Variants in STPG2 observed in about 807,000 individuals in gnomAD.
STPG2 encodes the protein sperm tail PG-rich repeat containing 2.
A neutral mutation model predicts 54.2 loss-of-function variants in STPG2; 56 were observed. The observed-to-expected ratio is 1.03, with a 90% CI of 0.83 to 1.29. STPG2 has a LOEUF of 1.29. STPG2 is among the 50% of genes most tolerant of loss of function. The pLI, the probability that STPG2 is intolerant of heterozygous loss-of-function variation, is 0.00. For synonymous variants in STPG2, 200 were observed against 181.8 expected (o/e 1.10, Z -0.81); for missense variants, 596 against 544.9 (o/e 1.09, Z -0.93).
chr4:97,650,746 G>A (rs1017135819), intron 10 of STPG2, among the ~76,000 whole-genome samples: 29 of 152,230 alleles, frequency 1.9e-4, no homozygotes, highest in African/African-American at 7.0e-4. Context: ...AGAAGAATAA[G>A]ATCCAGCTAT....
rs954890363 is a variant in STPG2, at chr4:98,128,416, C to T, written c.387+12G>A. ...ATTTTCCAATTGTCAATATGAAATA[C>T]ATTATACTTACAAATTGAGGTTTGT... On this transcript the variant is annotated intron_variant, in intron 3 of 10. Coordinates refer to ENST00000295268, the MANE Select transcript of STPG2 (RefSeq NM_174952.3). 3 of 1,577,890 alleles carry T rather than the reference C, an allele frequency of 1.9e-6. No homozygotes were observed. The highest frequency in any genetic ancestry group is 1.2e-5 in the South Asian group (1 of 84,136).
intron 3 of STPG2, among the ~76,000 whole-genome samples, chr4:98,119,355 C>T (rs954145851): frequency 2.6e-5 from 4 of 151,536 alleles, no homozygotes; most frequent in Admixed American, 2.6e-4. Flanking sequence ...GCATATTCTA[C>T]AAAATAAATA....
At chr4:97,796,895 T>C (rs1313822294) in intron 9 of STPG2, among the ~76,000 whole-genome samples, 1 of 152,224 alleles carries the variant, frequency 6.6e-6, no homozygotes, top group Non-Finnish European at 1.5e-5. Flanking sequence ...TAGTTCTCCT[T>C]GAAGAGGTCC....
chr4:97,483,157 C>T (rs1208857321), intron 4 of STPG2, among the ~76,000 whole-genome samples: 1 of 151,262 alleles, frequency 6.6e-6, no homozygotes, highest in African/African-American at 2.4e-5. Context: ...ATTTGAAAAG[C>T]AAAAACAGAA....
Position 97,965,894 on chromosome 4 carries a change from A to G in STPG2, c.933+6386T>C, listed in dbSNP as rs531125185. Among the ~76,000 whole-genome samples the G allele has an allele frequency of 5.3e-5, 8 of 152,308 alleles. No individual in the cohort carries two copies. In the East Asian group the frequency reaches 1.3e-3, roughly 26 times the overall value. On this transcript the variant is annotated intron_variant, in intron 7 of 10. Coordinates refer to ENST00000295268, the MANE Select transcript of STPG2 (RefSeq NM_174952.3). ...ACATCAAAGACCAAAGGTAGATAAA[A>G]CCACAAAGATGGGGAGAAACCAAAG...
intron 5 of STPG2, among the ~76,000 whole-genome samples, chr4:97,998,728 C>A (rs921079082): frequency 6.6e-6 from 1 of 152,036 alleles, no homozygotes; most frequent in Non-Finnish European, 1.5e-5. Context: ...ATTATTTGTA[C>A]CTGGTGTCAG....
At chr4:97,500,849 G>A (rs753749797) in intron 4 of STPG2, among the ~76,000 whole-genome samples, 4 of 152,050 alleles carry the variant, frequency 2.6e-5, no homozygotes, top group Non-Finnish European at 5.9e-5. Flanking sequence ...GGCCTACTGA[G>A]TTGCAGGGAG....
intron 9 of STPG2, among the ~76,000 whole-genome samples, chr4:97,807,326 A>C (rs2149094447): frequency 6.6e-6 from 1 of 151,850 alleles, no homozygotes; most frequent in Non-Finnish European, 1.5e-5. Context: ...TTTGCCTTTA[A>C]GCTCCTGAAG....
chr4:97,789,243 T>C (rs923740039), intron 9 of STPG2, among the ~76,000 whole-genome samples: 3 of 151,984 alleles, frequency 2.0e-5, no homozygotes, highest in Admixed American at 1.3e-4. Context: ...CTTAGTTATT[T>C]TGATTATGGT....
chr4:98,002,461 G>T (rs916160192), intron 5 of STPG2, among the ~76,000 whole-genome samples: 4 of 151,882 alleles, frequency 2.6e-5, no homozygotes, highest in African/African-American at 9.7e-5. Flanking sequence ...ATGGGCAATG[G>T]CAATCAGAAA....
chr4:97,836,815 C>A (rs1291758029), intron 9 of STPG2, among the ~76,000 whole-genome samples: 1 of 149,892 alleles, frequency 6.7e-6, no homozygotes, highest in African/African-American at 2.4e-5. Flanking sequence ...ATATATTATT[C>A]ATTAATTAAT....
At chr4:97,732,191 C>CA (rs767254261) in intron 9 of STPG2, among the ~76,000 whole-genome samples, 3 of 152,172 alleles carry the variant, frequency 2.0e-5, no homozygotes, top group Non-Finnish European at 4.4e-5. Context: ...GCCCCATTCA[C>CA]AAAATCTTCT....
chr4:97,557,025 A>G (rs1248013811), downstream of STPG2, among the ~76,000 whole-genome samples: 1 of 152,148 alleles, frequency 6.6e-6, no homozygotes, highest in Non-Finnish European at 1.5e-5. Flanking sequence ...TACTACAAAT[A>G]CAAAAATTAG....
intron 9 of STPG2, among the ~76,000 whole-genome samples, chr4:97,833,470 CA>C (rs1560545984): frequency 6.6e-6 from 1 of 151,922 alleles, no homozygotes; most frequent in African/African-American, 2.4e-5. Context: ...ATTAAAACAC[CA>C]AAAGCAATGG....
intron 5 of STPG2, among the ~76,000 whole-genome samples, chr4:97,990,230 T>C (rs1234988141): frequency 6.6e-6 from 1 of 152,210 alleles, no homozygotes; most frequent in Non-Finnish European, 1.5e-5. Context: ...GATCCTAATG[T>C]TATTGAACTT....
chr4:97,533,881 A>C lies in STPG2; in HGVS notation c.462+178818T>G, dbSNP rs573317353. Reference sequence around the variant, plus strand: ...GTCTTTTTGTAAATAAGATGAATGAATAAATATTTTGAATACATACTTTCC... The same window carrying C: ...GTCTTTTTGTAAATAAGATGAATGACTAAATATTTTGAATACATACTTTCC... On this transcript the variant is annotated intron_variant, in intron 4 of 4. Transcript: ENST00000522676. 2.2e-4 allele frequency among the ~76,000 whole-genome samples: 34 copies of C among 152,260 alleles called. No individual in the cohort carries two copies. In the Middle Eastern group the frequency reaches 0.01, roughly 46 times the overall value.
intron 9 of STPG2, among the ~76,000 whole-genome samples, chr4:97,737,233 A>G (rs558187127): frequency 6.6e-6 from 1 of 152,282 alleles, no homozygotes; most frequent in South Asian, 2.1e-4. Context: ...TCAAAGACCA[A>G]AGGTAGATAA....
chr4:98,055,159 A>AG (rs1408779804), intron 5 of STPG2, among the ~76,000 whole-genome samples: 1 of 152,168 alleles, frequency 6.6e-6, no homozygotes, highest in East Asian at 1.9e-4. Flanking sequence ...AAACCAAAAG[A>AG]GAACTGCCAA....
intron 8 of STPG2, among the ~76,000 whole-genome samples, chr4:97,894,658 T>C (rs1730894503): frequency 1.3e-5 from 2 of 151,908 alleles, no homozygotes; most frequent in South Asian, 4.1e-4. Flanking sequence ...ATTCAAATGC[T>C]CAATATGATC....
Sources: allele counts gnomAD v4.1 joint callset (sites outside exome capture counted in the v4.1 genomes callset), GRCh38; gene constraint gnomAD v4.1.1; transcripts MANE v1.5; gene names NCBI Gene and HGNC (gene_info 2026-07-23, HGNC 2026-07-21).